Variants in CCR8 observed in about 807,000 individuals in gnomAD.
CCR8 encodes C-C chemokine receptor type 8.
For missense variants in CCR8, 358 were observed against 417.5 expected (o/e 0.86, Z 1.24); for synonymous variants, 156 against 165.7 (o/e 0.94, Z 0.45).
chr3:39,330,383 C>A (rs543798449), intron 1 of CCR8, among the ~76,000 whole-genome samples: 23 of 152,254 alleles, frequency 1.5e-4, no homozygotes, highest in Non-Finnish European at 3.4e-4. Context: ...CATAGTGAGA[C>A]CCTGTCTCTA....
chr3:39,333,041 T>C lies in CCR8; in HGVS notation c.710T>C (p.Ile237Thr). 6.2e-7 allele frequency: 1 copy of C among 1,614,104 alleles called. No homozygotes were observed. The highest frequency in any genetic ancestry group is 8.5e-7 in the Non-Finnish European group (1 of 1,179,986). Reference sequence around the variant, plus strand: ...CAAAACCACAACAAGACCAAGGCCATCAGGTTGGTGCTCATTGTGGTCATT... The same window carrying C: ...CAAAACCACAACAAGACCAAGGCCACCAGGTTGGTGCTCATTGTGGTCATT... The part of the protein sequence containing the change: ...RCQNHNKTKA[I>T]RLVLIVVIAS... The change falls in exon 2 of 2, where the codon ATC becomes ACC. Residue 237 changes from isoleucine to threonine, a missense_variant. By Grantham distance (89) the Ile-to-Thr change is moderately conservative. Transcript: ENST00000326306.
rs750076765 is a variant in CCR8 at position 39,333,276 on chromosome 3, T to G, written c.945T>G (p.Phe315Leu). Residue 315 changes from phenylalanine to leucine, a missense_variant, in exon 2 of 2, where the codon TTT (phenylalanine) becomes TTG (leucine). Physicochemically the swap from Phe to Leu is conservative, Grantham distance 22 (BLOSUM62 0). Transcript: ENST00000326306. ...EKFKKHLSEIFQKSCSQIFNY... is the reference protein window; with the variant it reads ...EKFKKHLSEILQKSCSQIFNY... Reference sequence around the variant, plus strand: ...TCAAGAAACACCTCTCAGAAATATTTCAGAAAAGTTGCAGCCAAATCTTCA... The same window carrying G: ...TCAAGAAACACCTCTCAGAAATATTGCAGAAAAGTTGCAGCCAAATCTTCA... The G allele has an allele frequency of 1.9e-6, 3 of 1,613,950 alleles. No individual in the cohort carries two copies. The highest frequency in any genetic ancestry group is 2.5e-6 in the Non-Finnish European group (3 of 1,180,008).
chr3:39,332,740 C>T lies in CCR8; in HGVS notation c.409C>T (p.His137Tyr). 1 of 1,614,110 alleles carries T rather than the reference C, an allele frequency of 6.2e-7. No individual in the cohort carries two copies. Among genetic ancestry groups the T allele is most frequent in the Non-Finnish European group, 8.5e-7 (1 of 1,180,004 alleles). The change falls in exon 2 of 2, where the codon CAT (histidine) becomes TAT (tyrosine). Residue 137 changes from histidine to tyrosine, a missense_variant. Physicochemically the swap from His to Tyr is moderately conservative, Grantham distance 83 (BLOSUM62 2). Coordinates refer to ENST00000326306, the MANE Select transcript of CCR8 (RefSeq NM_005201.4). ...TGTGGACAGGTACCTGGCTGTTGTCCATGCCGTGTATGCCCTAAAGGTGAG... is the reference window on the plus strand; with the variant it reads ...TGTGGACAGGTACCTGGCTGTTGTCTATGCCGTGTATGCCCTAAAGGTGAG... ...MSVDRYLAVV[H>Y]AVYALKVRTI...
In CCR8 at chr3:39,333,508, T is replaced by TGCCATATA. The variant is rs1290839276; in HGVS notation, c.*110_*117dup. ...TCCAAAAAAAGTTCAGCATGAAGGA[T>TGCCATATA]GCCATATATGTTGTTGCCAACACTT... On this transcript the variant is annotated 3_prime_UTR_variant, in exon 2 of 2. Coordinates refer to ENST00000326306, the MANE Select transcript of CCR8 (RefSeq NM_005201.4). The TGCCATATA allele has an allele frequency of 1.2e-5, 9 of 755,356 alleles. No homozygotes were observed. The highest frequency in any genetic ancestry group is 1.7e-5 in the Non-Finnish European group (8 of 463,416). 46.8% of individuals were successfully genotyped at this position (755,356 alleles called of 1,614,324 possible). A position where few individuals can be genotyped will look rare whatever the true frequency, so the allele number is the denominator to read the frequency against.
At chr3:39,332,215 T>A in intron 1 of CCR8, 103 bp from the exon 2 acceptor site, 1 of 687,752 alleles carries the variant, frequency 1.5e-6, no homozygotes, top group Non-Finnish European at 2.5e-6. Context: ...CTTCAACACA[T>A]GAATTTGGGG....
Position 39,332,563 on chromosome 3 carries a change from G to A in CCR8, c.232G>A (p.Ala78Thr), listed in dbSNP as rs770011586. ...SITDVYLLNL[A>T]LSDLLFVFSF... ...CACAGATGTATACCTCTTGAACCTG[G>A]CCCTGTCTGACCTGCTTTTTGTCTT... is the stretch of plus-strand genomic sequence containing the variant. The change falls in exon 2 of 2, where the codon GCC becomes ACC. Residue 78 changes from alanine (A) to threonine (T), a missense_variant. Transcript: ENST00000326306. The A allele has an allele frequency of 1.2e-6, 2 of 1,614,110 alleles. No homozygotes were observed.
intron 1 of CCR8, among the ~76,000 whole-genome samples, chr3:39,330,512 T>C (rs2041248044): frequency 6.6e-6 from 1 of 152,196 alleles, no homozygotes; most frequent in South Asian, 2.1e-4. Context: ...TATGTCTGGA[T>C]TGAAATTGCA....
intron 1 of CCR8, among the ~76,000 whole-genome samples, chr3:39,330,353 C>T (rs2125554653): frequency 6.6e-6 from 1 of 152,304 alleles, no homozygotes; most frequent in African/African-American, 2.4e-5. Context: ...CGTATAACTA[C>T]TGTACTCCAG....
rs201108728 is a variant in CCR8 at position 39,333,382 on chromosome 3, G to A, written c.1051G>A (p.Val351Ile). 4.9e-5 allele frequency: 79 copies of A among 1,611,548 alleles called. No homozygotes were observed. The East Asian group carries it at 9.4e-4, about 19-fold the overall frequency. Residue 351 changes from valine (V) to isoleucine (I), a missense_variant, in exon 2 of 2, where the codon GTA (valine) becomes ATA (isoleucine). By Grantham distance (29) the Val-to-Ile change is conservative (BLOSUM62 3). Coordinates refer to ENST00000326306, the MANE Select transcript of CCR8 (RefSeq NM_005201.4). ...CQQHSSRSSSVDYIL is the reference protein window; with the variant it reads ...CQQHSSRSSSIDYIL ...GCAGCACTCCTCCCGTTCCTCCAGC[G>A]TAGACTACATTTTGTGAGGATCAAT...
chr3:39,333,284 G>T lies in CCR8; in HGVS notation c.953G>T (p.Ser318Ile). The change falls in exon 2 of 2, where the codon AGT becomes ATT. Residue 318 changes from serine to isoleucine, a missense_variant. Transcript: ENST00000326306. ...CACCTCTCAGAAATATTTCAGAAAA[G>T]TTGCAGCCAAATCTTCAACTACCTA... The part of the protein sequence containing the change: ...KKHLSEIFQK[S>I]CSQIFNYLGR... 1 of 1,614,088 alleles carries T rather than the reference G, an allele frequency of 6.2e-7. No homozygotes were observed. The highest frequency in any genetic ancestry group is 8.5e-7 in the Non-Finnish European group (1 of 1,179,996).
chr3:39,330,023 TGAG>T (rs1322593373), intron 1 of CCR8, among the ~76,000 whole-genome samples, 194 bp downstream of exon 1: 2 of 152,152 alleles, frequency 1.3e-5, no homozygotes, highest in Admixed American at 1.3e-4. Flanking sequence ...ATGCTCTGGC[TGAG>T]GAGAGCAAAC....
At chr3:39,331,262 A>G (rs1016352516) in intron 1 of CCR8, among the ~76,000 whole-genome samples, 1 of 152,186 alleles carries the variant, frequency 6.6e-6, no homozygotes, top group East Asian at 1.9e-4. Flanking sequence ...CATACTTCTA[A>G]AGGCTGGAAG....
chr3:39,333,428 A>C lies in CCR8; in HGVS notation c.*29A>C. On this transcript the variant is annotated 3_prime_UTR_variant, in exon 2 of 2. Transcript: ENST00000326306. ...TCAATGAAGACTAAATATAAAAAAC[A>C]TTTTCTTGAATGGCATGCTAGTAGC... 1 of 1,535,056 alleles carries C rather than the reference A, an allele frequency of 6.5e-7. No individual in the cohort carries two copies. The highest frequency in any genetic ancestry group is 8.9e-7 in the Non-Finnish European group (1 of 1,128,662).
Position 39,332,755 on chromosome 3 carries a change from C to T in CCR8, c.424C>T (p.Leu142=). ...YLAVVHAVYA[L]KVRTIRMGTT... is the part of the protein sequence containing the mutation. ...GGCTGTTGTCCATGCCGTGTATGCC[C>T]TAAAGGTGAGGACGATCAGGATGGG... The change falls in exon 2 of 2, where the codon CTA becomes TTA. Residue 142 remains leucine (L), a synonymous_variant. Coordinates refer to ENST00000326306, the MANE Select transcript of CCR8 (RefSeq NM_005201.4). 6.2e-7 allele frequency: 1 copy of T among 1,614,164 alleles called. No individual in the cohort carries two copies. The highest frequency in any genetic ancestry group is 8.5e-7 in the Non-Finnish European group (1 of 1,180,024).
intron 1 of CCR8, among the ~76,000 whole-genome samples, chr3:39,331,031 A>T (rs1169152448): frequency 6.6e-6 from 1 of 151,888 alleles, no homozygotes; most frequent in East Asian, 1.9e-4. Context: ...GGAATGAGGG[A>T]GGGAGAAAAG....
In CCR8 at chr3:39,332,515, G is replaced by T; in HGVS notation, c.184G>T (p.Val62Phe). The T allele has an allele frequency of 6.2e-7, 1 of 1,614,126 alleles. No homozygotes were observed. The highest frequency in any genetic ancestry group is 8.5e-7 in the Non-Finnish European group (1 of 1,180,016). The change falls in exon 2 of 2, where the codon GTC (valine) becomes TTC (phenylalanine). Residue 62 changes from valine to phenylalanine, a missense_variant. Coordinates refer to ENST00000326306, the MANE Select transcript of CCR8 (RefSeq NM_005201.4). ...CAGCCTGGTCATCCTGGTCCTTGTG[G>T]TCTGCAAGAAGCTGAGGAGCATCAC... Reference protein sequence around the residue: ...GNSLVILVLVVCKKLRSITDV... With the variant: ...GNSLVILVLVFCKKLRSITDV...
At chr3:39,331,819 A>ATTTTTT (rs1491182474) in intron 1 of CCR8, among the ~76,000 whole-genome samples, 1 of 79,424 alleles carries the variant, frequency 1.3e-5, no homozygotes, top group African/African-American at 3.8e-5. Flanking sequence ...TTTTAATTTT[A>ATTTTTT]ATTTTTTTTT....
rs764480741 is a variant in CCR8 at position 39,333,371 on chromosome 3, G to A, written c.1040G>A (p.Arg347His). The A allele has an allele frequency of 1.4e-5, 23 of 1,613,426 alleles. No homozygotes were observed. In the South Asian group the frequency reaches 1.5e-4, roughly 11 times the overall value. The stretch of plus-strand genomic sequence containing the variant: ...TCATCCTGCCAGCAGCACTCCTCCC[G>A]TTCCTCCAGCGTAGACTACATTTTG... ...KSSSCQQHSSRSSSVDYIL is the reference protein window; with the variant it reads ...KSSSCQQHSSHSSSVDYIL Residue 347 changes from arginine to histidine, a missense_variant, in exon 2 of 2, where the codon CGT (arginine) becomes CAT (histidine). By Grantham distance (29) the Arg-to-His change is conservative (BLOSUM62 0). Coordinates refer to ENST00000326306, the MANE Select transcript of CCR8 (RefSeq NM_005201.4).
chr3:39,332,205 C>G, intron 1 of CCR8, 113 bp from the exon 2 acceptor site: 1 of 662,812 alleles, frequency 1.5e-6, no homozygotes, highest in Admixed American at 2.7e-5. Context: ...AGGTTGAGCA[C>G]TTCAACACAT....
Sources: gnomAD v4.1 joint callset for allele counts (sites outside exome capture counted in the v4.1 genomes callset) on GRCh38, gnomAD v4.1.1 for gene constraint, MANE v1.5 for transcripts, NCBI Gene and HGNC (gene_info 2026-07-23, HGNC 2026-07-21) for gene names.